EFCAB8: variants seen among roughly 807,000 people sequenced by gnomAD.
The protein encoded by EFCAB8 is EF-hand calcium binding domain 8.
Under a neutral mutation model 116.3 loss-of-function variants are expected in EFCAB8, and 100 were observed. That is an observed-to-expected ratio of 0.86 (90% CI 0.73 to 1.02). The LOEUF (loss-of-function observed/expected upper bound fraction) is 1.02. Among genes scored for constraint, EFCAB8 ranks in the 50% least tolerant of loss-of-function variants. EFCAB8 has a pLI of 0.00. For missense variants in EFCAB8, 1,320 were observed against 1,416.9 expected (o/e 0.93, Z 1.10); for synonymous variants, 558 against 567.9 (o/e 0.98, Z 0.25).
chr20:32,931,046 A>G, intron 21 of EFCAB8, 132 bp from the exon 22 acceptor site: 1 of 715,756 alleles, frequency 1.4e-6, no homozygotes, highest in Non-Finnish European at 2.3e-6. Context: ...GTGGTGAGGT[A>G]TCTCAGAGAT....
intron 22 of EFCAB8, among the ~76,000 whole-genome samples, chr20:32,940,243 A>G (rs6058968): frequency 0.025 from 3,805 of 149,400 alleles, 378 homozygotes; most frequent in African/African-American, 0.089. Context: ...TCAATGGAAT[A>G]GAATTTAGAG....
At position 32,961,553 on chromosome 20, in the gene EFCAB8, C is replaced by G. The variant is rs956645320; in HGVS notation, c.3811C>G (p.Pro1271Ala). 7.1e-7 allele frequency: 1 copy of G among 1,403,472 alleles called. No homozygotes were observed. The highest frequency in any genetic ancestry group is 1.4e-5 in the African/African-American group (1 of 69,192). 86.9% of individuals were successfully genotyped at this position (1,403,472 alleles called of 1,614,324 possible). A position where few individuals can be genotyped will look rare whatever the true frequency, so the allele number is the denominator to read the frequency against. ...CTCCTCCTTCGAGCGGCCCCCAAGG[C>G]CTCTGAAGGCCACCTTCATGTCCTC... ...IVSSFERPPRPLKATFMSSVK... is the reference protein window; with the variant it reads ...IVSSFERPPRALKATFMSSVK... The change falls in exon 27 of 27, where the codon CCT becomes GCT. Residue 1271 changes from proline to alanine, a missense_variant. Physicochemically the swap from Pro to Ala is conservative, Grantham distance 27 (BLOSUM62 -1). Transcript: ENST00000400522.
chr20:32,917,331 C>G lies in EFCAB8; in HGVS notation c.1887C>G (p.Cys629Trp). ...LFHKTKPVLL[C>W]YHWQTYHTED... ...ACAAGACCAAGCCAGTGCTCTTGTG[C>G]TACCACTGGCAGACCTACCACACGG... The change falls in exon 18 of 27, where the codon TGC becomes TGG. Residue 629 changes from cysteine to tryptophan, a missense_variant. Coordinates refer to ENST00000400522, the MANE Select transcript of EFCAB8 (RefSeq NM_001143967.2). 6.4e-7 allele frequency: 1 copy of G among 1,551,704 alleles called. No homozygotes were observed. The highest frequency in any genetic ancestry group is 8.7e-7 in the Non-Finnish European group (1 of 1,146,982).
Position 32,906,978 on chromosome 20 carries a change from G to A in EFCAB8, c.1292G>A (p.Ser431Asn), listed in dbSNP as rs1271182878. Residue 431 changes from serine (S) to asparagine (N), a missense_variant, in exon 13 of 27, where the codon AGT becomes AAT. By Grantham distance (46) the Ser-to-Asn change is conservative (BLOSUM62 1). Coordinates refer to ENST00000400522, the MANE Select transcript of EFCAB8 (RefSeq NM_001143967.2). ...VDSRNNSILI[S>N]VSKDKNIRVW... ...AGCAGGAACAACAGCATCCTCATCAGTGTCTCCAAGGACAAGGTCCGCCCC... is the reference window on the plus strand; with the variant it reads ...AGCAGGAACAACAGCATCCTCATCAATGTCTCCAAGGACAAGGTCCGCCCC... 24 of 1,525,988 alleles carry A rather than the reference G, an allele frequency of 1.6e-5. No homozygotes were observed. The highest frequency in any genetic ancestry group is 2.1e-5 in the Non-Finnish European group (24 of 1,133,160). The allele number at this position is 1,525,988 out of a possible 1,614,324, so 94.5% of individuals were successfully genotyped here. A position where few individuals can be genotyped will look rare whatever the true frequency, so the allele number is the denominator to read the frequency against.
chr20:32,904,603 C>CTTT (rs35810642), intron 11 of EFCAB8, among the ~76,000 whole-genome samples: 4 of 96,324 alleles, frequency 4.2e-5, no homozygotes, highest in Admixed American at 1.2e-4. Context: ...CTGAATGGAG[C>CTTT]TTTTTTTTTT....
intron 13 of EFCAB8, 88 bp from the exon 14 acceptor site, chr20:32,908,187 T>C: frequency 8.3e-7 from 1 of 1,210,660 alleles, no homozygotes; most frequent in Non-Finnish European, 1.0e-6. Flanking sequence ...GCCCTGGCCT[T>C]GTTCGCCGGA....
chr20:32,938,263 G>A lies in EFCAB8; in HGVS notation c.2791-5373G>A, dbSNP rs977545942. Among the ~76,000 whole-genome samples the A allele has an allele frequency of 3.3e-5, 5 of 149,756 alleles. 1 individual carries two copies. Among genetic ancestry groups the A allele is most frequent in the Non-Finnish European group, 7.4e-5 (5 of 67,354 alleles). ...AGAGCATTTAACAAAATTGAACACCGTTTTCTGATTGAAACACCCAATAAA... is the reference window on the plus strand; with the variant it reads ...AGAGCATTTAACAAAATTGAACACCATTTTCTGATTGAAACACCCAATAAA... On this transcript the variant is annotated intron_variant, in intron 22 of 26. Transcript: ENST00000400522.
At chr20:32,872,873 C>T (rs1397325636) in intron 3 of EFCAB8, among the ~76,000 whole-genome samples, 34 of 151,408 alleles carry the variant, frequency 2.2e-4, no homozygotes, top group Admixed American at 2.2e-3. Context: ...GGGCGGATCG[C>T]CTGTGGTCAG....
At chr20:32,884,356 C>A (rs1261104536) in intron 5 of EFCAB8, among the ~76,000 whole-genome samples, 1 of 152,188 alleles carries the variant, frequency 6.6e-6, no homozygotes, top group Non-Finnish European at 1.5e-5. Flanking sequence ...CCTGAGATGG[C>A]CTGTCCTTAG....
At chr20:32,876,165 T>C in intron 4 of EFCAB8, 121 bp downstream of exon 4, 1 of 860,988 alleles carries the variant, frequency 1.2e-6, no homozygotes, top group Non-Finnish European at 1.8e-6. Flanking sequence ...CCCTGTGGAT[T>C]CTGGCCCCAG....
At chr20:32,886,482 A>G (rs1985638377) in intron 6 of EFCAB8, among the ~76,000 whole-genome samples, 2 of 152,144 alleles carry the variant, frequency 1.3e-5, no homozygotes, top group African/African-American at 4.8e-5. Flanking sequence ...GGGCTTTCTG[A>G]GCCTGTGTAA....
chr20:32,927,315 T>C (rs1987710547), intron 20 of EFCAB8, among the ~76,000 whole-genome samples: 1 of 152,152 alleles, frequency 6.6e-6, no homozygotes, highest in African/African-American at 2.4e-5. Context: ...TTCTTTGGAT[T>C]CACCATGATT....
At chr20:32,875,872 T>C in intron 3 of EFCAB8, 54 bp from the exon 4 acceptor site, 1 of 1,493,738 alleles carries the variant, frequency 6.7e-7, no homozygotes, top group South Asian at 1.2e-5. Context: ...GTGGCAGTGA[T>C]GGGCCGAGGG....
intron 15 of EFCAB8, among the ~76,000 whole-genome samples, chr20:32,910,354 C>A (rs6119302): frequency 0.5 from 76,739 of 151,966 alleles, 20,087 homozygotes; most frequent in African/African-American, 0.65. Context: ...GGGACGGAGG[C>A]CCAGGCAGCA....
intron 3 of EFCAB8, among the ~76,000 whole-genome samples, chr20:32,875,217 A>C (rs1984898276): frequency 6.6e-6 from 1 of 152,118 alleles, no homozygotes; most frequent in Admixed American, 6.6e-5. Context: ...GGGGTGGTTG[A>C]ATGTTGAGCA....
chr20:32,899,422 G>C (rs991711694), intron 11 of EFCAB8, among the ~76,000 whole-genome samples: 1 of 136,340 alleles, frequency 7.3e-6, no homozygotes, highest in Non-Finnish European at 1.6e-5. Flanking sequence ...AAAAAAAAAA[G>C]AAAAACCAAT....
intron 17 of EFCAB8, among the ~76,000 whole-genome samples, chr20:32,916,840 C>T (rs983963563): frequency 6.6e-5 from 10 of 151,496 alleles, no homozygotes; most frequent in African/African-American, 2.4e-4. Flanking sequence ...TTCTTGGGGG[C>T]GGTGGTCAGG....
intron 20 of EFCAB8, among the ~76,000 whole-genome samples, chr20:32,928,533 C>A (rs1987762234): frequency 6.6e-6 from 1 of 152,214 alleles, no homozygotes. Flanking sequence ...CCGCACCCAG[C>A]CAATGCGACT....
At chr20:32,935,538 CTCT>C (rs1988085222) in intron 22 of EFCAB8, among the ~76,000 whole-genome samples, 2 of 150,622 alleles carry the variant, frequency 1.3e-5, no homozygotes, top group Non-Finnish European at 2.9e-5. Context: ...TGGAGTTTTG[CTCT>C]TATTGCCCAG....
Sources: allele counts gnomAD v4.1 joint callset (sites outside exome capture counted in the v4.1 genomes callset), GRCh38; gene constraint gnomAD v4.1.1; transcripts MANE v1.5; gene names NCBI Gene and HGNC (gene_info 2026-07-23, HGNC 2026-07-21).